SPIDR: variants seen among roughly 807,000 people sequenced by gnomAD.
SPIDR encodes the protein DNA repair-scaffolding protein.
SPIDR carries 93 observed loss-of-function variants against 104.6 expected under a neutral mutation model. The ratio of observed to expected loss-of-function variants is 0.89; its 90% CI spans 0.75 to 1.06. The LOEUF (loss-of-function observed/expected upper bound fraction) is 1.06. Ranked by LOEUF, SPIDR falls within the 50% of genes least tolerant of loss-of-function variation. SPIDR has a pLI of 0.00. For synonymous variants in SPIDR, 431 were observed against 416.9 expected (o/e 1.03, Z -0.41); for missense variants, 1,154 against 1,111.2 (o/e 1.04, Z -0.55).
At position 47,309,009 on chromosome 8, in the gene SPIDR, G is replaced by C. The variant is rs1239707943; in HGVS notation, c.525+14979G>C. Among the ~76,000 whole-genome samples, 3 of 152,192 alleles carry C rather than the reference G, an allele frequency of 2.0e-5. No individual in the cohort carries two copies. In the East Asian group the frequency reaches 5.8e-4, roughly 29 times the overall value. ...GTTAAATAGAACAGATTCTGCCAGTGCAATGATCTTCTAGGTGGAGCAACA... is the reference window on the plus strand; with the variant it reads ...GTTAAATAGAACAGATTCTGCCAGTCCAATGATCTTCTAGGTGGAGCAACA... On this transcript the variant is annotated intron_variant, in intron 5 of 19. Transcript: ENST00000297423.
Position 47,466,898 on chromosome 8 carries a change from A to ATAT in SPIDR, c.1097+26356_1097+26357insTAT, listed in dbSNP as rs1242893166. Among the ~76,000 whole-genome samples the ATAT allele has an allele frequency of 7.2e-3, 628 of 86,836 alleles. 8 individuals carry two copies. The highest frequency in any genetic ancestry group is 0.028 in the Middle Eastern group (6 of 212). 57.0% of individuals were successfully genotyped at this position (86,836 alleles called of 152,430 possible). ...AGTTAGTTTTTTTTGAAAAAAAAAAAAAATATATATATATATAGATAGATA... is the reference window on the plus strand; with the variant it reads ...AGTTAGTTTTTTTTGAAAAAAAAAAATATAAATATATATATATATAGATAGATA... On this transcript the variant is annotated intron_variant, in intron 8 of 19. Transcript: ENST00000297423.
At chr8:47,315,724 A>G (rs193153150) in intron 5 of SPIDR, among the ~76,000 whole-genome samples, 1 of 152,304 alleles carries the variant, frequency 6.6e-6, no homozygotes, top group Admixed American at 6.5e-5. Flanking sequence ...TAACTGATAA[A>G]TTATTTTTAA....
chr8:47,370,407 A>G (rs1478313947), intron 5 of SPIDR, among the ~76,000 whole-genome samples: 1 of 151,686 alleles, frequency 6.6e-6, no homozygotes, highest in East Asian at 1.9e-4. Flanking sequence ...AGATCAGATA[A>G]GCAGAAGCTT....
rs2040388461 is a variant in SPIDR at position 47,293,970 on chromosome 8, T to C, written c.465T>C (p.Cys155=). 2 of 1,614,190 alleles carry C rather than the reference T, an allele frequency of 1.2e-6. No individual in the cohort carries two copies. The highest frequency in any genetic ancestry group is 1.3e-5 in the African/African-American group (1 of 75,070). The change falls in exon 5 of 20, where the codon TGT becomes TGC. Residue 155 remains cysteine (C), a synonymous_variant. Transcript: ENST00000297423. ...AGGGTGCTGTGGAAATCTCAGACTG[T>C]GCTTCTTGTGCAAGTAATCAGTCTT... ...DDEGAVEISD[C]ASCASNQSLT...
At chr8:47,400,553 AC>A (rs1399575359) in intron 6 of SPIDR, among the ~76,000 whole-genome samples, 1 of 152,158 alleles carries the variant, frequency 6.6e-6, no homozygotes, top group Non-Finnish European at 1.5e-5. Context: ...CCTGATAAAG[AC>A]CAGGTAGCAA....
chr8:47,382,336 A>T (rs2154300901), intron 5 of SPIDR, among the ~76,000 whole-genome samples: 1 of 152,370 alleles, frequency 6.6e-6, no homozygotes, highest in Admixed American at 6.5e-5. Flanking sequence ...TGTAGGTAAG[A>T]TTACAGGAAG....
rs1041913430 is a variant in SPIDR at position 47,291,102 on chromosome 8, C to T, written c.326C>T (p.Ser109Leu). The change falls in exon 4 of 20, where the codon TCG becomes TTG. Residue 109 changes from serine (S) to leucine (L), a missense_variant. Physicochemically the swap from Ser to Leu is moderately radical, Grantham distance 145. Transcript: ENST00000297423. ...ITWSSSGSDL[S>L]DEDKTLSQLQ... ...TGGAGCTCCAGTGGAAGTGATTTGT[C>T]GGATGAAGATAAGACACTTTCTCAG... The T allele has an allele frequency of 3.7e-4, 593 of 1,612,742 alleles. 6 individuals carry two copies. Among genetic ancestry groups the T allele is most frequent in the Middle Eastern group, 3.0e-3 (18 of 6,058 alleles).
chr8:47,545,497 T>G (rs1428067094), intron 8 of SPIDR, among the ~76,000 whole-genome samples: 1 of 152,196 alleles, frequency 6.6e-6, no homozygotes. Context: ...GCCCTGCAGT[T>G]TTGCTGAACT....
intron 8 of SPIDR, among the ~76,000 whole-genome samples, chr8:47,487,840 G>T (rs1390414543): frequency 6.6e-6 from 1 of 151,924 alleles, no homozygotes; most frequent in Non-Finnish European, 1.5e-5. Flanking sequence ...AGAATCTCTG[G>T]GACACATTCA....
chr8:47,621,435 T>C (rs1284897229), intron 10 of SPIDR, among the ~76,000 whole-genome samples: 2 of 152,214 alleles, frequency 1.3e-5, no homozygotes, highest in African/African-American at 4.8e-5. Context: ...GCCTCGTCTG[T>C]AGATTGTAGA....
At chr8:47,455,421 A>AC (rs1328753294) in intron 8 of SPIDR, among the ~76,000 whole-genome samples, 2 of 141,860 alleles carry the variant, frequency 1.4e-5, no homozygotes, top group African/African-American at 5.2e-5. Context: ...ACAGACACAC[A>AC]AAAAAAACAG....
At chr8:47,306,084 G>C (rs2043042176) in intron 5 of SPIDR, among the ~76,000 whole-genome samples, 2 of 152,110 alleles carry the variant, frequency 1.3e-5, no homozygotes, top group African/African-American at 4.8e-5. Flanking sequence ...TTGTTTTTCT[G>C]TGACTGGTTT....
intron 5 of SPIDR, among the ~76,000 whole-genome samples, chr8:47,379,548 C>A (rs2059077771): frequency 6.6e-6 from 1 of 152,082 alleles, no homozygotes; most frequent in Admixed American, 6.5e-5. Flanking sequence ...ACTTCACTTG[C>A]AAGAGCTTTT....
At position 47,279,897 on chromosome 8, in the gene SPIDR, T is replaced by C. The variant is rs1586253610; in HGVS notation, c.69T>C (p.Phe23=). The C allele has an allele frequency of 1.2e-6, 2 of 1,613,844 alleles. No individual in the cohort carries two copies. The highest frequency in any genetic ancestry group is 1.7e-6 in the Non-Finnish European group (2 of 1,179,846). The change falls in exon 2 of 20, where the codon TTT becomes TTC. Residue 23 remains phenylalanine, a synonymous_variant. Transcript: ENST00000297423. The part of the protein sequence containing the change: ...KRSWNTECPS[F]PGERPLQVRR... ...GTTGGAATACAGAATGCCCATCCTTTCCAGGAGAAAGACCACTGCAGGTCA... is the reference window on the plus strand; with the variant it reads ...GTTGGAATACAGAATGCCCATCCTTCCCAGGAGAAAGACCACTGCAGGTCA...
At chr8:47,501,075 G>GT (rs2080338753) in intron 8 of SPIDR, among the ~76,000 whole-genome samples, 1 of 152,176 alleles carries the variant, frequency 6.6e-6, no homozygotes, top group Admixed American at 6.5e-5. Flanking sequence ...GTCAGGTAGC[G>GT]TGATGCTTCC....
chr8:47,479,251 C>T (rs908988198), intron 8 of SPIDR, among the ~76,000 whole-genome samples: 3 of 151,242 alleles, frequency 2.0e-5, no homozygotes, highest in African/African-American at 7.3e-5. Context: ...CCCAGCTACT[C>T]AGGAGGCTGA....
chr8:47,538,921 C>T lies in SPIDR; in HGVS notation c.1098-56890C>T, dbSNP rs1477149684. On this transcript the variant is annotated intron_variant, in intron 8 of 19. Coordinates refer to ENST00000297423, the MANE Select transcript of SPIDR (RefSeq NM_001080394.4). ...TGTCACCCAGGCTGGAGTTCAGTGG[C>T]ACGATCTCGGCTCACTGCAACCTCC... 2.4e-4 allele frequency among the ~76,000 whole-genome samples: 33 copies of T among 137,498 alleles called. No homozygotes were observed. In the Admixed American group the frequency reaches 2.7e-3, roughly 11 times the overall value. The allele number at this position is 137,498 out of a possible 152,430, so 90.2% of individuals were successfully genotyped here.
Position 47,701,790 on chromosome 8 carries a change from G to A in SPIDR, c.1843G>A (p.Asp615Asn). The change falls in exon 13 of 20, where the codon GAT becomes AAT. Residue 615 changes from aspartate (D) to asparagine (N), a missense_variant. By Grantham distance (23) the Asp-to-Asn change is conservative. Coordinates refer to ENST00000297423, the MANE Select transcript of SPIDR (RefSeq NM_001080394.4). ...LTAHPNLGQI[D>N]IIDEDPIYKL... Reference sequence around the variant, plus strand: ...AGCTCATCCAAATCTGGGACAAATTGATATAATTGACGAAGACCCCATTTA... The same window carrying A: ...AGCTCATCCAAATCTGGGACAAATTAATATAATTGACGAAGACCCCATTTA... 1.2e-6 allele frequency: 2 copies of A among 1,614,084 alleles called. No homozygotes were observed. Among genetic ancestry groups the A allele is most frequent in the Non-Finnish European group, 1.7e-6 (2 of 1,180,022 alleles).
intron 8 of SPIDR, among the ~76,000 whole-genome samples, chr8:47,489,184 C>G (rs2078231156): frequency 6.6e-6 from 1 of 152,178 alleles, no homozygotes; most frequent in African/African-American, 2.4e-5. Flanking sequence ...GTGCAAAAAT[C>G]ACAAGCATTC....
Sources: allele counts gnomAD v4.1 joint callset (sites outside exome capture counted in the v4.1 genomes callset), GRCh38; gene constraint gnomAD v4.1.1; transcripts MANE v1.5; gene names NCBI Gene and HGNC (gene_info 2026-07-23, HGNC 2026-07-21).